Variants in DTNA observed in about 807,000 individuals in gnomAD.
DTNA encodes the protein dystrophin-related protein 3.
In DTNA, 43 loss-of-function variants were observed where a neutral mutation model predicts 100.7. The observed-to-expected ratio is 0.43, with a 90% CI of 0.33 to 0.55. The LOEUF (loss-of-function observed/expected upper bound fraction) is 0.55, where lower values mean the gene tolerates loss of function less well. Ranked by LOEUF, DTNA falls within the 20% of genes least tolerant of loss-of-function variation. DTNA has a pLI of 0.04. For missense variants in DTNA, 798 were observed against 953.9 expected, an observed-to-expected ratio of 0.84 and a Z score of 2.15; for synonymous variants, 349 against 347.9, an observed-to-expected ratio of 1.00 and a Z score of -0.04.
chr18:34,497,121 C>A (rs1203710549), intron 1 of DTNA, among the ~76,000 whole-genome samples: 1 of 152,180 alleles, frequency 6.6e-6, no homozygotes. Flanking sequence ...TCCTTGGCAA[C>A]TACTTTCAAA....
chr18:34,687,794 G>C (rs190010631), intron 1 of DTNA, among the ~76,000 whole-genome samples: 1 of 152,132 alleles, frequency 6.6e-6, no homozygotes, highest in South Asian at 2.1e-4. Flanking sequence ...AAGTCTCTAA[G>C]AACTTTCTTT....
chr18:34,568,346 C>T (rs953473744), intron 1 of DTNA, among the ~76,000 whole-genome samples: 4 of 152,114 alleles, frequency 2.6e-5, no homozygotes, highest in African/African-American at 9.7e-5. Context: ...GAGATTTTTA[C>T]TGGCTTTTGG....
chr18:34,604,043 T>C (rs1220778333), intron 1 of DTNA, among the ~76,000 whole-genome samples: 1 of 152,216 alleles, frequency 6.6e-6, no homozygotes, highest in Non-Finnish European at 1.5e-5. Flanking sequence ...ATATGTGTTA[T>C]AGTTGTGAGG....
intron 1 of DTNA, among the ~76,000 whole-genome samples, chr18:34,601,215 C>T (rs2051744972): frequency 6.6e-6 from 1 of 152,160 alleles, no homozygotes; most frequent in South Asian, 2.1e-4. Context: ...AGCTGAGAGG[C>T]AGTTTTGTGG....
At chr18:34,879,170 G>A (rs1251171258) in intron 19 of DTNA, among the ~76,000 whole-genome samples, 2 of 152,056 alleles carry the variant, frequency 1.3e-5, no homozygotes, top group African/African-American at 4.8e-5. Flanking sequence ...AGCATTTTAG[G>A]TGAATATTTT....
At chr18:34,729,726 C>A (rs1044673336) in intron 1 of DTNA, among the ~76,000 whole-genome samples, 3 of 152,038 alleles carry the variant, frequency 2.0e-5, no homozygotes, top group African/African-American at 7.2e-5. Flanking sequence ...AGTAAACACA[C>A]TCTAAATTAG....
At chr18:34,531,384 C>A (rs568753709) in intron 1 of DTNA, among the ~76,000 whole-genome samples, 1 of 152,172 alleles carries the variant, frequency 6.6e-6, no homozygotes, top group African/African-American at 2.4e-5. Context: ...GATAGGGCCT[C>A]CTGGTGCATT....
At chr18:34,695,847 T>A (rs753524914) in intron 1 of DTNA, among the ~76,000 whole-genome samples, 2 of 152,216 alleles carry the variant, frequency 1.3e-5, no homozygotes, top group Non-Finnish European at 2.9e-5. Flanking sequence ...GTGTTCCTGA[T>A]TCTGTTTTCT....
In DTNA at chr18:34,794,119, C is replaced by G. The variant is rs147759402; in HGVS notation, c.231C>G (p.Asn77Lys). The G allele has an allele frequency of 6.2e-7, 1 of 1,614,048 alleles. No individual in the cohort carries two copies. The highest frequency in any genetic ancestry group is 1.3e-5 in the African/African-American group (1 of 74,932). ...LNNLDPNTEL[N>K]VSRLEAVLST... ...ACCTGGACCCAAACACTGAACTCAA[C>G]GTGTCCCGCTTAGAGGCTGTGCTCT... The change falls in exon 4 of 23, where the codon AAC becomes AAG. Residue 77 changes from asparagine to lysine, a missense_variant. Physicochemically the swap from Asn to Lys is moderately conservative, Grantham distance 94 (BLOSUM62 0). This residue lies in a region of DTNA where 197 missense variants were observed against 215.4 expected (regional missense o/e 0.91). Coordinates refer to ENST00000444659, the MANE Select transcript of DTNA (RefSeq NM_001386795.1).
intron 17 of DTNA, 132 bp downstream of exon 17, chr18:34,864,194 G>C: frequency 1.4e-6 from 1 of 707,332 alleles, no homozygotes; most frequent in Non-Finnish European, 2.4e-6. Context: ...AAGCTCAGAT[G>C]TAAAACAATT....
chr18:34,628,262 ATTT>A (rs1421408670), intron 1 of DTNA, among the ~76,000 whole-genome samples: 2 of 152,184 alleles, frequency 1.3e-5, no homozygotes, highest in African/African-American at 4.8e-5. Context: ...AACTCATCTT[ATTT>A]TTAATACAGT....
chr18:34,832,476 G>A (rs1419621769), intron 11 of DTNA, among the ~76,000 whole-genome samples: 5 of 152,158 alleles, frequency 3.3e-5, no homozygotes, highest in African/African-American at 4.8e-5. Context: ...TCCTACTAGA[G>A]TTGCTTTGGC....
At chr18:34,581,246 TCAAAA>T (rs10671354) in intron 1 of DTNA, among the ~76,000 whole-genome samples, 70 of 144,904 alleles carry the variant, frequency 4.8e-4, no homozygotes, top group South Asian at 1.4e-3. Flanking sequence ...AGATTGGGTC[TCAAAA>T]CAAAACAAAA....
At chr18:34,557,743 C>T (rs889639010) in intron 1 of DTNA, among the ~76,000 whole-genome samples, 13 of 151,348 alleles carry the variant, frequency 8.6e-5, no homozygotes, top group Middle Eastern at 3.4e-3. Flanking sequence ...TTTCCAGCTA[C>T]GTGCTGGGAG....
chr18:34,721,535 G>A (rs1224109361), intron 1 of DTNA, among the ~76,000 whole-genome samples: 1 of 152,082 alleles, frequency 6.6e-6, no homozygotes, highest in Non-Finnish European at 1.5e-5. Flanking sequence ...AAAACGTGAC[G>A]CAGTTCTTTT....
chr18:34,629,284 G>A (rs1169024240), intron 1 of DTNA, among the ~76,000 whole-genome samples: 2 of 152,114 alleles, frequency 1.3e-5, no homozygotes, highest in Non-Finnish European at 2.9e-5. Flanking sequence ...GGCTTAAAAG[G>A]TCTTTCAACT....
At chr18:34,831,200 C>T (rs1006489488) in intron 11 of DTNA, among the ~76,000 whole-genome samples, 3 of 152,104 alleles carry the variant, frequency 2.0e-5, no homozygotes, top group Non-Finnish European at 2.9e-5. Context: ...CTTCATTAGT[C>T]AGAGTAAAGA....
At chr18:34,746,719 G>T (rs2091642115) in intron 1 of DTNA, among the ~76,000 whole-genome samples, 1 of 152,024 alleles carries the variant, frequency 6.6e-6, no homozygotes. Context: ...TAATAACTTT[G>T]AACCTCACAT....
chr18:34,865,327 T>TTTTTTTTGTTTCA (rs898974776), intron 17 of DTNA, among the ~76,000 whole-genome samples: 2 of 151,372 alleles, frequency 1.3e-5, no homozygotes, highest in African/African-American at 4.8e-5. Flanking sequence ...TTTTTCTTCA[T>TTTTTTTTGTTTCA]TTTTTTTGTT....
Sources: allele counts gnomAD v4.1 joint callset (sites outside exome capture counted in the v4.1 genomes callset), GRCh38; gene constraint gnomAD v4.1.1; regional missense constraint gnomAD v4.1.1; transcripts MANE v1.5; gene names NCBI Gene and HGNC (gene_info 2026-07-23, HGNC 2026-07-21).